ARMH1: variants seen among roughly 807,000 people sequenced by gnomAD.
The protein encoded by ARMH1 is armadillo like helical domain containing 1.
In ARMH1, 34 loss-of-function variants were observed where a neutral mutation model predicts 50.2. The ratio of observed to expected loss-of-function variants is 0.68; its 90% CI spans 0.51 to 0.90. The LOEUF is 0.90. ARMH1 is among the 40% of genes least tolerant of loss of function. The pLI is 0.00. For synonymous variants in ARMH1, 221 were observed against 224.2 expected, an observed-to-expected ratio of 0.99 and a Z score of 0.13; for missense variants, 538 against 553.9, an observed-to-expected ratio of 0.97 and a Z score of 0.29.
chr1:44,715,362 C>T (rs761176988), intron 6 of ARMH1, among the ~76,000 whole-genome samples: 79 of 152,204 alleles, frequency 5.2e-4, no homozygotes, highest in Non-Finnish European at 9.4e-4. Context: ...GTCTCTTGTT[C>T]ATTGTGGTTT....
intron 3 of ARMH1, among the ~76,000 whole-genome samples, chr1:44,697,665 C>T (rs1461652318): frequency 6.6e-6 from 1 of 152,128 alleles, no homozygotes; most frequent in Non-Finnish European, 1.5e-5. Context: ...CCAAGAAAGT[C>T]CCAGGCTTTG....
At chr1:44,696,277 C>T (rs1645825811) in intron 2 of ARMH1, among the ~76,000 whole-genome samples, 1 of 152,228 alleles carries the variant, frequency 6.6e-6, no homozygotes, top group Non-Finnish European at 1.5e-5. Context: ...TTGCTTCACA[C>T]ACCCCCCGCC....
At position 44,689,758 on chromosome 1, in the gene ARMH1, G is replaced by A; in HGVS notation, c.61G>A (p.Asp21Asn). The change falls in exon 2 of 12, where the codon GAC becomes AAC. Residue 21 changes from aspartate (D) to asparagine (N), a missense_variant. By Grantham distance (23) the Asp-to-Asn change is conservative. Transcript: ENST00000535358. ...SRLLSFLQEW[D>N]NAGKVARSHI... ...GCTCTTAAGTTTTTTACAGGAGTGG[G>A]ACAACGCTGGCAAAGTCGCAAGGAG... The A allele has an allele frequency of 1.3e-6, 2 of 1,551,980 alleles. No homozygotes were observed. The highest frequency in any genetic ancestry group is 1.7e-6 in the Non-Finnish European group (2 of 1,147,046).
In ARMH1 at chr1:44,698,059, A is replaced by G. The variant is rs527525307; in HGVS notation, c.276-4A>G. On this transcript the variant is annotated splice_polypyrimidine_tract_variant and splice_region_variant and intron_variant, in intron 3 of 11. Coordinates refer to ENST00000535358, the MANE Select transcript of ARMH1 (RefSeq NM_001145636.2). The stretch of plus-strand genomic sequence containing the variant: ...TATTTCTACTTTTCTATCCCTCTGG[A>G]CAGTAATCGGTACCTTATAGAATTT... The G allele has an allele frequency of 6.5e-7, 1 of 1,544,268 alleles. No homozygotes were observed. The highest frequency in any genetic ancestry group is 2.5e-5 in the East Asian group (1 of 40,764).
intron 6 of ARMH1, among the ~76,000 whole-genome samples, chr1:44,711,562 G>C (rs998668651): frequency 3.0e-4 from 46 of 152,202 alleles, no homozygotes; most frequent in African/African-American, 1.1e-3. Context: ...TCTAGTTTCT[G>C]TGCTCATCAA....
Position 44,719,431 on chromosome 1 carries a change from T to C in ARMH1, c.725-4691T>C, listed in dbSNP as rs1370223016. Among the ~76,000 whole-genome samples the C allele has an allele frequency of 3.9e-5, 6 of 152,288 alleles. No individual in the cohort carries two copies. The South Asian group carries it at 1.0e-3, about 26-fold the overall frequency. On this transcript the variant is annotated intron_variant, in intron 6 of 11. Transcript: ENST00000535358. Reference sequence around the variant, plus strand: ...ACACCAGCCAAAACTCATTCTCTTCTTCCTGCCGAAGGGCACTCTGAGCCC... The same window carrying C: ...ACACCAGCCAAAACTCATTCTCTTCCTCCTGCCGAAGGGCACTCTGAGCCC...
chr1:44,697,256 C>A, intron 3 of ARMH1, 86 bp downstream of exon 3: 2 of 1,063,802 alleles, frequency 1.9e-6, no homozygotes, highest in Non-Finnish European at 2.8e-6. Flanking sequence ...CCCAGGGCCA[C>A]GGATTCCTGT....
chr1:44,724,010 A>G lies in ARMH1; in HGVS notation c.725-112A>G. The G allele has an allele frequency of 7.3e-7, 1 of 1,374,576 alleles. No homozygotes were observed. Among genetic ancestry groups the G allele is most frequent in the Non-Finnish European group, 9.8e-7 (1 of 1,020,088 alleles). 85.1% of individuals were successfully genotyped at this position (1,374,576 alleles called of 1,614,324 possible). Reference sequence around the variant, plus strand: ...CTCCCCCACGCCCTGCACAGTGCTGATCAGTAAAAGAGGAGGACACTGACG... The same window carrying G: ...CTCCCCCACGCCCTGCACAGTGCTGGTCAGTAAAAGAGGAGGACACTGACG... On this transcript the variant is annotated intron_variant, in intron 6 of 11. Transcript: ENST00000535358. The surrounding 1 kb of genome is among the most constrained non-coding windows in gnomAD (Gnocchi z 6.4).
At position 44,724,754 on chromosome 1, in the gene ARMH1, C is replaced by T; in HGVS notation, c.1051-8C>T. The T allele has an allele frequency of 6.5e-7, 1 of 1,534,716 alleles. No individual in the cohort carries two copies. The highest frequency in any genetic ancestry group is 8.7e-7 in the Non-Finnish European group (1 of 1,143,482). On this transcript the variant is annotated splice_polypyrimidine_tract_variant and splice_region_variant and intron_variant, in intron 9 of 11. Coordinates refer to ENST00000535358, the MANE Select transcript of ARMH1 (RefSeq NM_001145636.2). The surrounding 1 kb of genome is among the most constrained non-coding windows in gnomAD (Gnocchi z 6.4). ...CCGCAGTCACGCCGCCTCGCCCGCG[C>T]GGCGCAGTGCTTCGTGCAGATGTTC...
intron 6 of ARMH1, among the ~76,000 whole-genome samples, chr1:44,721,620 T>C (rs894619336): frequency 6.6e-6 from 1 of 152,036 alleles, no homozygotes; most frequent in Non-Finnish European, 1.5e-5. Context: ...TTAGACAGGC[T>C]TATGAGGCTG....
chr1:44,708,022 C>T (rs1379116606), intron 6 of ARMH1, among the ~76,000 whole-genome samples: 1 of 152,198 alleles, frequency 6.6e-6, no homozygotes, highest in Non-Finnish European at 1.5e-5. Flanking sequence ...TCAAAATAGT[C>T]TTCCTATAAC....
chr1:44,721,073 G>C (rs1213936146), intron 6 of ARMH1, among the ~76,000 whole-genome samples: 2 of 151,910 alleles, frequency 1.3e-5, no homozygotes, highest in Non-Finnish European at 2.9e-5. Context: ...AAAAGAAAGA[G>C]AAGGCACTGA....
chr1:44,701,083 C>T lies in ARMH1; in HGVS notation c.603C>T (p.Ala201=), dbSNP rs1156930002. The change falls in exon 5 of 12, where the codon GCC becomes GCT. Residue 201 remains alanine (A), a synonymous_variant. Transcript: ENST00000535358. Reference sequence around the variant, plus strand: ...TGCTGCCCTGCGAGTCCCCAAAAGCCCAGCAGCTGTCCCTGCAGACTCTCA... The same window carrying T: ...TGCTGCCCTGCGAGTCCCCAAAAGCTCAGCAGCTGTCCCTGCAGACTCTCA... The part of the protein sequence containing the change: ...IALLPCESPK[A]QQLSLQTLRT... 4 of 1,551,540 alleles carry T rather than the reference C, an allele frequency of 2.6e-6. No individual in the cohort carries two copies. The highest frequency in any genetic ancestry group is 2.4e-5 in the East Asian group (1 of 40,934).
At chr1:44,707,443 T>C (rs1646395557) in intron 6 of ARMH1, among the ~76,000 whole-genome samples, 1 of 152,174 alleles carries the variant, frequency 6.6e-6, no homozygotes, top group Non-Finnish European at 1.5e-5. Flanking sequence ...TCTTATTTCT[T>C]TTTTGAGGCA....
intron 6 of ARMH1, among the ~76,000 whole-genome samples, chr1:44,705,840 G>A (rs1325332983): frequency 6.6e-6 from 1 of 152,190 alleles, no homozygotes; most frequent in African/African-American, 2.4e-5. Context: ...CACCGAGACG[G>A]TGGTGTTTGA....
chr1:44,694,346 G>A (rs1164795196), intron 2 of ARMH1, among the ~76,000 whole-genome samples: 2 of 151,996 alleles, frequency 1.3e-5, no homozygotes, highest in Non-Finnish European at 2.9e-5. Flanking sequence ...CAATATAATA[G>A]CATCACAGCA....
chr1:44,710,948 A>T (rs1216850846), intron 6 of ARMH1, among the ~76,000 whole-genome samples: 1 of 152,260 alleles, frequency 6.6e-6, no homozygotes, highest in Non-Finnish European at 1.5e-5. Flanking sequence ...ATTATACAAT[A>T]CATGACTTTT....
intron 2 of ARMH1, among the ~76,000 whole-genome samples, chr1:44,691,743 C>G (rs934442386): frequency 4.6e-5 from 7 of 152,164 alleles, no homozygotes; most frequent in African/African-American, 1.7e-4. Flanking sequence ...TCCAACTATT[C>G]CATACCCATA....
rs376364699 is a variant in ARMH1, at chr1:44,722,782, G to C, written c.725-1340G>C. On this transcript the variant is annotated intron_variant, in intron 6 of 11. Transcript: ENST00000535358. Reference sequence around the variant, plus strand: ...CTAGCATTTACTGGCTGGGCCCACCGGGCCCAGTGGCTCATGCCTGCTATC... The same window carrying C: ...CTAGCATTTACTGGCTGGGCCCACCCGGCCCAGTGGCTCATGCCTGCTATC... Among the ~76,000 whole-genome samples the C allele has an allele frequency of 1.4e-4, 20 of 146,792 alleles. No individual in the cohort carries two copies. In the East Asian group the frequency reaches 3.1e-3, roughly 23 times the overall value.
Sources: allele counts gnomAD v4.1 joint callset (sites outside exome capture counted in the v4.1 genomes callset), GRCh38; gene constraint gnomAD v4.1.1; non-coding constraint Gnocchi (gnomAD v3.1); transcripts MANE v1.5; gene names NCBI Gene and HGNC (gene_info 2026-07-23, HGNC 2026-07-21).